MAF: variants seen among roughly 807,000 people sequenced by gnomAD.
MAF encodes transcription factor Maf.
A neutral mutation model predicts 22.0 loss-of-function variants in MAF; 10 were observed. The observed-to-expected ratio is 0.45, with a 90% CI of 0.28 to 0.77. The LOEUF is 0.77. Among genes scored for constraint, MAF ranks in the 30% least tolerant of loss-of-function variants. The pLI is 0.12. For synonymous variants in MAF, 337 were observed against 255.8 expected, an observed-to-expected ratio of 1.32 and a Z score of -3.03; for missense variants, 544 against 548.4, an observed-to-expected ratio of 0.99 and a Z score of 0.08.
the MAF span, among the ~76,000 whole-genome samples, chr16:79,361,793 G>T: frequency 2.0e-5 from 3 of 152,014 alleles, no homozygotes; most frequent in Admixed American, 2.0e-4. Flanking sequence ...TTTATTTTAG[G>T]GAGAATATGA....
chr16:79,399,203 G>A, the MAF span, among the ~76,000 whole-genome samples: 1 of 152,140 alleles, frequency 6.6e-6, no homozygotes, highest in African/African-American at 2.4e-5. Flanking sequence ...TTGTCATCCT[G>A]GAACCTCAGG....
the MAF span, among the ~76,000 whole-genome samples, chr16:79,230,330 C>T: frequency 4.6e-5 from 7 of 152,130 alleles, no homozygotes; most frequent in Non-Finnish European, 8.8e-5. Context: ...AAAGAATGTA[C>T]AGGAGGTGTG....
At chr16:79,581,100 A>G (rs1912489626), downstream of MAF, among the ~76,000 whole-genome samples, 1 of 152,168 alleles carries the variant, frequency 6.6e-6, no homozygotes, top group African/African-American at 2.4e-5. Context: ...TTTCAACACT[A>G]TTAAATGTAC....
At chr16:79,421,014 C>T in the MAF span, among the ~76,000 whole-genome samples, 2 of 149,046 alleles carry the variant, frequency 1.3e-5, no homozygotes, top group Admixed American at 1.3e-4. Context: ...AGCCTGGTGA[C>T]AGAGCGAGAC....
the MAF span, among the ~76,000 whole-genome samples, chr16:79,524,092 C>A: frequency 2.6e-5 from 4 of 152,164 alleles, no homozygotes; most frequent in African/African-American, 7.2e-5. Flanking sequence ...ATTTGAGGAG[C>A]TTTTGAAGGG....
At chr16:79,503,878 G>C in the MAF span, among the ~76,000 whole-genome samples, 2 of 152,096 alleles carry the variant, frequency 1.3e-5, no homozygotes, top group East Asian at 3.9e-4. Flanking sequence ...AATTTCTTAA[G>C]TGTTGATTTG....
At chr16:79,434,745 G>A in the MAF span, among the ~76,000 whole-genome samples, 1 of 151,966 alleles carries the variant, frequency 6.6e-6, no homozygotes, top group Non-Finnish European at 1.5e-5. Flanking sequence ...AAGATTATAT[G>A]ATAGAATAGG....
chr16:79,547,825 CT>C, the MAF span, among the ~76,000 whole-genome samples: 2 of 151,998 alleles, frequency 1.3e-5, no homozygotes, highest in Non-Finnish European at 2.9e-5. Context: ...CCTCTGTCTC[CT>C]CTGTAGCAAA....
At chr16:79,549,284 C>G in the MAF span, among the ~76,000 whole-genome samples, 1 of 152,070 alleles carries the variant, frequency 6.6e-6, no homozygotes, top group Non-Finnish European at 1.5e-5. Context: ...GCAGAACAGC[C>G]CCATGAGGTC....
chr16:79,395,588 G>A, the MAF span, among the ~76,000 whole-genome samples: 2 of 152,048 alleles, frequency 1.3e-5, no homozygotes, highest in East Asian at 1.9e-4. Context: ...TTGGAGCATC[G>A]CATCTGCAAG....
chr16:79,530,549 G>C, the MAF span, among the ~76,000 whole-genome samples: 1 of 152,262 alleles, frequency 6.6e-6, no homozygotes, highest in South Asian at 2.1e-4. Flanking sequence ...CATTTTAAGT[G>C]TGTTTCCAGG....
At chr16:79,318,914 G>C in the MAF span, among the ~76,000 whole-genome samples, 2 of 152,140 alleles carry the variant, frequency 1.3e-5, no homozygotes, top group South Asian at 2.1e-4. Context: ...GCTCACCTGA[G>C]CCTCAACAGC....
At chr16:79,465,880 T>C in the MAF span, among the ~76,000 whole-genome samples, 1 of 152,202 alleles carries the variant, frequency 6.6e-6, no homozygotes, top group Admixed American at 6.5e-5. Flanking sequence ...GCCTAATATA[T>C]GTCAGCAGGC....
At chr16:79,481,574 A>G in the MAF span, among the ~76,000 whole-genome samples, 1 of 151,758 alleles carries the variant, frequency 6.6e-6, no homozygotes, top group Non-Finnish European at 1.5e-5. Context: ...TCATCTACCC[A>G]TCAATCTATT....
chr16:79,287,864 T>C, the MAF span, among the ~76,000 whole-genome samples: 1 of 152,214 alleles, frequency 6.6e-6, no homozygotes, highest in African/African-American at 2.4e-5. Flanking sequence ...TTCTCTGTGT[T>C]AGGCAGTCAC....
At chr16:79,325,591 A>C in the MAF span, among the ~76,000 whole-genome samples, 2 of 138,530 alleles carry the variant, frequency 1.4e-5, no homozygotes, top group Admixed American at 1.4e-4. Context: ...ACAGATACCC[A>C]GACACAAACA....
chr16:79,412,652 C>G, the MAF span, among the ~76,000 whole-genome samples: 1 of 152,164 alleles, frequency 6.6e-6, no homozygotes, highest in Non-Finnish European at 1.5e-5. Context: ...CAAGCTAAGC[C>G]TTGGTTTTCT....
chr16:79,470,909 C>T, the MAF span, among the ~76,000 whole-genome samples: 2 of 152,312 alleles, frequency 1.3e-5, no homozygotes, highest in African/African-American at 4.8e-5. Flanking sequence ...CAGTGAGAGG[C>T]ACTCAAATTA....
At chr16:79,266,345 C>A in the MAF span, among the ~76,000 whole-genome samples, 8 of 152,240 alleles carry the variant, frequency 5.3e-5, no homozygotes, top group East Asian at 1.5e-3. Context: ...AAAGGAAAAC[C>A]ATGGATAAGG....
Sources: gnomAD v4.1 joint callset for allele counts (sites outside exome capture counted in the v4.1 genomes callset) on GRCh38, gnomAD v4.1.1 for gene constraint, MANE v1.5 for transcripts, NCBI Gene and HGNC (gene_info 2026-07-23, HGNC 2026-07-21) for gene names.